Variants in DLG2 observed in about 807,000 individuals in gnomAD.
DLG2 encodes disks large homolog 2.
A neutral mutation model predicts 132.5 loss-of-function variants in DLG2; 45 were observed. The ratio of observed to expected loss-of-function variants is 0.34; its 90% CI spans 0.27 to 0.44. DLG2 has a LOEUF of 0.44. Among genes scored for constraint, DLG2 ranks in the 20% least tolerant of loss-of-function variants. The pLI is 1.00. For synonymous variants in DLG2, 424 were observed against 419.6 expected, an observed-to-expected ratio of 1.01 and a Z score of -0.13; for missense variants, 1,045 against 1,196.9, an observed-to-expected ratio of 0.87 and a Z score of 1.87.
At chr11:84,143,553 C>G (rs993222973) in intron 9 of DLG2, among the ~76,000 whole-genome samples, 9 of 152,252 alleles carry the variant, frequency 5.9e-5, no homozygotes, top group South Asian at 2.1e-4. Context: ...TCTTTTCCTT[C>G]AAACAATAGA....
At chr11:84,596,355 G>C (rs2099557085) in intron 6 of DLG2, among the ~76,000 whole-genome samples, 1 of 149,780 alleles carries the variant, frequency 6.7e-6, no homozygotes, top group South Asian at 2.1e-4. Context: ...TTACAGGTGT[G>C]TGTCACCATG....
chr11:85,339,962 T>A, intron 3 of DLG2, among the ~76,000 whole-genome samples: 1 of 152,244 alleles, frequency 6.6e-6, no homozygotes, highest in South Asian at 2.1e-4. Context: ...CCAGTTAGAA[T>A]GGAGGTCATT....
chr11:84,578,764 C>T (rs1276350464), intron 6 of DLG2, among the ~76,000 whole-genome samples: 2 of 152,046 alleles, frequency 1.3e-5, no homozygotes, highest in Admixed American at 1.3e-4. Flanking sequence ...GCTGGGAAGC[C>T]ATGACTGGTT....
chr11:84,897,904 T>A (rs986602657), intron 6 of DLG2, among the ~76,000 whole-genome samples: 1 of 151,856 alleles, frequency 6.6e-6, no homozygotes, highest in Admixed American at 6.6e-5. Flanking sequence ...TCTACCCACA[T>A]GAACTATTAT....
intron 8 of DLG2, among the ~76,000 whole-genome samples, chr11:84,243,402 T>C (rs979374878): frequency 6.6e-6 from 1 of 152,086 alleles, no homozygotes; most frequent in East Asian, 1.9e-4. Flanking sequence ...GTTGAATAAA[T>C]AGAGCTCTTT....
At chr11:84,765,285 T>A (rs2068246638) in intron 6 of DLG2, among the ~76,000 whole-genome samples, 1 of 152,052 alleles carries the variant, frequency 6.6e-6, no homozygotes, top group African/African-American at 2.4e-5. Context: ...ATCAAATTCC[T>A]CCCTGAAAAC....
At chr11:83,951,182 C>CA (rs2154147162) in intron 14 of DLG2, among the ~76,000 whole-genome samples, 1 of 151,814 alleles carries the variant, frequency 6.6e-6, no homozygotes, top group Admixed American at 6.6e-5. Flanking sequence ...AAACTGAGAC[C>CA]AAAAAAATTC....
chr11:85,100,360 T>C (rs1324352732), intron 6 of DLG2, among the ~76,000 whole-genome samples: 1 of 152,164 alleles, frequency 6.6e-6, no homozygotes, highest in East Asian at 1.9e-4. Flanking sequence ...ATATGTTGTC[T>C]CTAATTCTGA....
intron 6 of DLG2, among the ~76,000 whole-genome samples, chr11:85,013,067 T>C (rs151016994): frequency 5.6e-4 from 85 of 152,308 alleles, no homozygotes; most frequent in African/African-American, 1.9e-3. Flanking sequence ...AGAGATAGTA[T>C]TTAATATCAA....
At chr11:84,100,630 C>T (rs944246409) in intron 9 of DLG2, among the ~76,000 whole-genome samples, 5 of 151,904 alleles carry the variant, frequency 3.3e-5, no homozygotes, top group African/African-American at 1.2e-4. Context: ...TATTAAATTT[C>T]TCTACATATT....
chr11:83,758,749 CCA>C (rs1388469497), intron 18 of DLG2, among the ~76,000 whole-genome samples: 1 of 152,070 alleles, frequency 6.6e-6, no homozygotes, highest in Non-Finnish European at 1.5e-5. Context: ...TAATTAAATA[CCA>C]CAGTTTCAAT....
intron 4 of DLG2, among the ~76,000 whole-genome samples, chr11:85,271,933 T>A (rs904640504): frequency 6.6e-6 from 1 of 152,216 alleles, no homozygotes; most frequent in African/African-American, 2.4e-5. Flanking sequence ...GAGGTAAGAC[T>A]TTGGGAGACT....
chr11:85,087,487 C>T (rs2068085279), intron 6 of DLG2, among the ~76,000 whole-genome samples: 1 of 152,182 alleles, frequency 6.6e-6, no homozygotes. Context: ...GAAAGAAAAC[C>T]ATGTGGCTAA....
rs530253116 is a variant in DLG2, at chr11:83,490,483, A to G, written c.2194-6255T>C. On this transcript the variant is annotated intron_variant, in intron 21 of 27. Transcript: ENST00000376104. ...AAATCACCATTTTGTAATCATCACTATAATAGTCAAGTTAGGGAAGAATCA... is the reference window on the plus strand; with the variant it reads ...AAATCACCATTTTGTAATCATCACTGTAATAGTCAAGTTAGGGAAGAATCA... 1.6e-4 allele frequency among the ~76,000 whole-genome samples: 24 copies of G among 152,130 alleles called. No homozygotes were observed. In the South Asian group the frequency reaches 2.5e-3, roughly 16 times the overall value.
intron 7 of DLG2, among the ~76,000 whole-genome samples, chr11:84,467,353 T>C (rs1209983416): frequency 1.3e-5 from 2 of 151,384 alleles, no homozygotes; most frequent in South Asian, 2.1e-4. Context: ...GTCATAGAAA[T>C]AACATTTTAA....
chr11:84,781,919 A>G (rs1191111489), intron 6 of DLG2, among the ~76,000 whole-genome samples: 3 of 152,214 alleles, frequency 2.0e-5, no homozygotes, highest in Admixed American at 6.5e-5. Context: ...CAGAGGCTGG[A>G]TGGAGGACAG....
At chr11:83,574,836 A>ATGCCCTAGGCACAACCACTTGGCACT (rs1179479265) in intron 19 of DLG2, among the ~76,000 whole-genome samples, 6 of 152,334 alleles carry the variant, frequency 3.9e-5, no homozygotes, top group Admixed American at 2.0e-4. Flanking sequence ...TAAAAAGAAG[A>ATGCCCTAGGCACAACCACTTGGCACT]TGCCCTAGGC....
At chr11:84,139,659 G>A (rs1463019026) in intron 9 of DLG2, among the ~76,000 whole-genome samples, 4 of 152,120 alleles carry the variant, frequency 2.6e-5, no homozygotes, top group Non-Finnish European at 5.9e-5. Flanking sequence ...AGAATACTGA[G>A]CCACAGTGGG....
chr11:84,231,962 A>C (rs2097099460), intron 8 of DLG2, among the ~76,000 whole-genome samples: 1 of 152,034 alleles, frequency 6.6e-6, no homozygotes, highest in Non-Finnish European at 1.5e-5. Flanking sequence ...GGACAGAAAG[A>C]CTCCCAGAAA....
Sources: gnomAD v4.1 joint callset for allele counts (sites outside exome capture counted in the v4.1 genomes callset) on GRCh38, gnomAD v4.1.1 for gene constraint, MANE v1.5 for transcripts, NCBI Gene and HGNC (gene_info 2026-07-23, HGNC 2026-07-21) for gene names.